Variants in MATN1 observed in about 807,000 individuals in gnomAD.
MATN1 encodes matrilin 1.
A neutral mutation model predicts 41.3 loss-of-function variants in MATN1; 34 were observed. That is an observed-to-expected ratio of 0.82 (90% CI 0.63 to 1.10). The LOEUF is 1.10. MATN1 is among the 50% of genes least tolerant of loss of function. MATN1 has a pLI of 0.00. For missense variants in MATN1, 602 were observed against 662.4 expected, an observed-to-expected ratio of 0.91 and a Z score of 1.00; for synonymous variants, 264 against 278.7, an observed-to-expected ratio of 0.95 and a Z score of 0.53.
chr1:30,716,838 C>A lies in MATN1; in HGVS notation c.742G>T (p.Ala248Ser). The A allele has an allele frequency of 6.2e-7, 1 of 1,613,946 alleles. No homozygotes were observed. Among genetic ancestry groups the A allele is most frequent in the Non-Finnish European group, 8.5e-7 (1 of 1,179,970 alleles). The change falls in exon 4 of 8, where the codon GCC (alanine) becomes TCC (serine). Residue 248 changes from alanine (A) to serine (S), a missense_variant. Ala to Ser is a moderately conservative substitution (Grantham distance 99). Coordinates refer to ENST00000373765, the MANE Select transcript of MATN1 (RefSeq NM_002379.3). The part of the protein sequence containing the change: ...CISSPGSYTC[A>S]CHEGFTLNSD... ...TTCAGAGTGAAGCCCTCGTGGCAGG[C>A]GCAGGTGTAGGAACCGGGGGAGCTG...
At chr1:30,722,433 G>A (rs1380708506) in intron 1 of MATN1, among the ~76,000 whole-genome samples, 3 of 152,256 alleles carry the variant, frequency 2.0e-5, no homozygotes, top group East Asian at 1.9e-4. Context: ...CACCCCCGAG[G>A]AGCAATGTCC....
Position 30,715,978 on chromosome 1 carries a change from C to A in MATN1, c.1138G>T (p.Gly380Cys). The change falls in exon 5 of 8, where the codon GGC becomes TGC. Residue 380 changes from glycine to cysteine, a missense_variant. Coordinates refer to ENST00000373765, the MANE Select transcript of MATN1 (RefSeq NM_002379.3). ...SGARPGAQKV[G>C]IVFTDGRSQD... The stretch of plus-strand genomic sequence containing the variant: ...CTCCGGCCATCAGTGAAGACAATGC[C>A]CACCTTCTGGGCCCCGGGCCTAGCC... 6.2e-7 allele frequency: 1 copy of A among 1,614,242 alleles called. No homozygotes were observed. Among genetic ancestry groups the A allele is most frequent in the Non-Finnish European group, 8.5e-7 (1 of 1,180,046 alleles).
In MATN1 at chr1:30,715,406, C is replaced by G. The variant is rs1231133731; in HGVS notation, c.1208-97G>C. The G allele has an allele frequency of 4.2e-6, 5 of 1,185,986 alleles. No homozygotes were observed. In the East Asian group the frequency reaches 1.2e-4, roughly 28 times the overall value. 73.5% of individuals were successfully genotyped at this position (1,185,986 alleles called of 1,614,324 possible). A position where few individuals can be genotyped will look rare whatever the true frequency, so the allele number is the denominator to read the frequency against. On this transcript the variant is annotated intron_variant, in intron 5 of 7. Transcript: ENST00000373765. ...AGGCTTAGGCAGCCAACACCAGACA[C>G]CTCCTGCTGGCAGCTGCTGGAATTG...
rs200679291 is a variant in MATN1, at chr1:30,713,553, T to C, written c.*29A>G. On this transcript the variant is annotated 3_prime_UTR_variant, in exon 8 of 8. Transcript: ENST00000373765. ...CTACGGCGGACACGTGCAGGACGCT[T>C]GGAGAGGCCACAGTGGTGACAGGCA... 1.2e-4 allele frequency: 182 copies of C among 1,552,162 alleles called. No homozygotes were observed. The African/African-American group carries it at 2.3e-3, about 20-fold the overall frequency.
intron 2 of MATN1, chr1:30,721,072 G>T: frequency 7.4e-6 from 2 of 270,030 alleles, no homozygotes; most frequent in Non-Finnish European, 1.4e-5. Context: ...GGCTGGTGGC[G>T]GAGGCCACAC....
rs1639573314 is a variant in MATN1 at position 30,713,091 on chromosome 1, C to T, written c.*491G>A. ...CATCCTTCCAACCATCCCCTCCCAC[C>T]ACATCTTCATCCATCCTTTTCCCTG... On this transcript the variant is annotated 3_prime_UTR_variant, in exon 8 of 8. Transcript: ENST00000373765. 1 of 163,454 alleles carries T rather than the reference C, an allele frequency of 6.1e-6. No individual in the cohort carries two copies. Among genetic ancestry groups the T allele is most frequent in the African/African-American group, 2.4e-5 (1 of 41,932 alleles). 10.1% of individuals were successfully genotyped at this position (163,454 alleles called of 1,614,324 possible).
Position 30,715,966 on chromosome 1 carries a change from T to G in MATN1, c.1150A>C (p.Thr384Pro). The G allele has an allele frequency of 1.9e-6, 3 of 1,614,226 alleles. No homozygotes were observed. Among genetic ancestry groups the G allele is most frequent in the Non-Finnish European group, 2.5e-6 (3 of 1,180,028 alleles). The change falls in exon 5 of 8, where the codon ACT becomes CCT. Residue 384 changes from threonine (T) to proline (P), a missense_variant. Thr to Pro is a conservative substitution (Grantham distance 38). Coordinates refer to ENST00000373765, the MANE Select transcript of MATN1 (RefSeq NM_002379.3). ...ATGTAGTCCTGGCTCCGGCCATCAG[T>G]GAAGACAATGCCCACCTTCTGGGCC... is the stretch of plus-strand genomic sequence containing the variant. Reference protein sequence around the residue: ...PGAQKVGIVFTDGRSQDYIND... With the variant: ...PGAQKVGIVFPDGRSQDYIND...
intron 3 of MATN1, among the ~76,000 whole-genome samples, chr1:30,717,496 A>C (rs1395841804): frequency 6.6e-6 from 1 of 152,038 alleles, no homozygotes; most frequent in East Asian, 1.9e-4. Context: ...ACTCTCCCGC[A>C]TCACAGAAAA....
At chr1:30,717,973 G>T (rs895173227) in intron 3 of MATN1, among the ~76,000 whole-genome samples, 3 of 152,084 alleles carry the variant, frequency 2.0e-5, no homozygotes. Flanking sequence ...TCTTAACATC[G>T]CCTCTCCCCA....
Position 30,721,767 on chromosome 1 carries a change from GA to G in MATN1, c.95-17del. 1.3e-6 allele frequency: 2 copies of G among 1,594,604 alleles called. No individual in the cohort carries two copies. The highest frequency in any genetic ancestry group is 1.7e-6 in the Non-Finnish European group (2 of 1,171,448). On this transcript the variant is annotated splice_polypyrimidine_tract_variant and intron_variant, in intron 1 of 7. Coordinates refer to ENST00000373765, the MANE Select transcript of MATN1 (RefSeq NM_002379.3). ...CAGAGATGGCCTGGGAGTGGGGCAG[GA>G]GGGGTAAGGCAGAGAGCAGAGACAC...
intron 5 of MATN1, 53 bp from the exon 6 acceptor site, chr1:30,715,362 T>C: frequency 3.1e-6 from 5 of 1,590,650 alleles, no homozygotes; most frequent in East Asian, 2.2e-5. Flanking sequence ...GGCAACCATA[T>C]GGCTGAGCCT....
chr1:30,716,456 T>A, intron 4 of MATN1, 131 bp from the exon 5 acceptor site: 1 of 959,318 alleles, frequency 1.0e-6, no homozygotes, highest in Non-Finnish European at 1.5e-6. Context: ...GAACTGCCTC[T>A]ATAAAGCCAA....
Position 30,718,829 on chromosome 1 carries a change from C to G in MATN1, c.570G>C (p.Gln190His). The change falls in exon 3 of 8, where the codon CAG becomes CAC. Residue 190 changes from glutamine to histidine, a missense_variant. Coordinates refer to ENST00000373765, the MANE Select transcript of MATN1 (RefSeq NM_002379.3). ...GTTCGTCCTGCGGCTCGCTGGCGAT[C>G]TGCCGCAGCGTGGCCTTGTCCACGC... ...VGSVDKATLR[Q>H]IASEPQDEHV... 1 of 1,609,648 alleles carries G rather than the reference C, an allele frequency of 6.2e-7. No individual in the cohort carries two copies.
At chr1:30,717,755 C>T (rs1486557056) in intron 3 of MATN1, among the ~76,000 whole-genome samples, 4 of 151,120 alleles carry the variant, frequency 2.6e-5, no homozygotes, top group Non-Finnish European at 5.9e-5. Flanking sequence ...CCCGGGTTCA[C>T]GCCGTTTTCC....
rs1390575592 is a variant in MATN1, at chr1:30,716,790, C to G, written c.790G>C (p.Val264Leu). The change falls in exon 4 of 8, where the codon GTC becomes CTC. Residue 264 changes from valine (V) to leucine (L), a missense_variant and splice_region_variant. Physicochemically the swap from Val to Leu is conservative, Grantham distance 32. Coordinates refer to ENST00000373765, the MANE Select transcript of MATN1 (RefSeq NM_002379.3). ...GCGAGCCTGTGTCCACCCCACTGAC[C>G]ATTGCAGGTCTTGCCGTCGCTGTTC... ...TLNSDGKTCN[V>L]CSGGGGSSAT... 4 of 1,613,612 alleles carry G rather than the reference C, an allele frequency of 2.5e-6. No individual in the cohort carries two copies. Among genetic ancestry groups the G allele is most frequent in the Non-Finnish European group, 3.4e-6 (4 of 1,179,838 alleles).
chr1:30,714,439 G>T, intron 6 of MATN1, 112 bp from the exon 7 acceptor site: 1 of 811,338 alleles, frequency 1.2e-6, no homozygotes, highest in Admixed American at 2.1e-5. Flanking sequence ...GGGAGGTGAG[G>T]GGCTTAAGGG....
intron 1 of MATN1, among the ~76,000 whole-genome samples, 186 bp downstream of exon 1, chr1:30,723,272 C>T (rs1639718436): frequency 6.6e-6 from 1 of 152,162 alleles, no homozygotes; most frequent in Non-Finnish European, 1.5e-5. Context: ...AGCACCCCTG[C>T]CCTGACCCTT....
At chr1:30,720,492 G>A (rs1177039034) in intron 2 of MATN1, 1 of 152,360 alleles carries the variant, frequency 6.6e-6, no homozygotes, top group Non-Finnish European at 1.5e-5. Flanking sequence ...TGAGCAAGTT[G>A]CTTAAGCTTC....
At chr1:30,722,781 G>T (rs531011215) in intron 1 of MATN1, among the ~76,000 whole-genome samples, 19 of 152,290 alleles carry the variant, frequency 1.2e-4, no homozygotes, top group African/African-American at 4.6e-4. Flanking sequence ...CTAGACTGGG[G>T]CTCTGGACAT....
Sources: allele counts gnomAD v4.1 joint callset (sites outside exome capture counted in the v4.1 genomes callset), GRCh38; gene constraint gnomAD v4.1.1; transcripts MANE v1.5; gene names NCBI Gene and HGNC (gene_info 2026-07-23, HGNC 2026-07-21).